The following CAD variants were observed in gnomAD, a reference collection of about 807,000 sequenced individuals.
CAD encodes the protein multifunctional protein CAD.
CAD carries 81 observed loss-of-function variants against 237.2 expected under a neutral mutation model. The observed-to-expected ratio is 0.34, with a 90% CI of 0.29 to 0.41. The LOEUF is 0.41. Ranked by LOEUF, CAD falls within the 10% of genes least tolerant of loss-of-function variation. The pLI is 1.00. For missense variants in CAD, 2,181 were observed against 2,951.7 expected, an observed-to-expected ratio of 0.74 and a Z score of 6.05; for synonymous variants, 1,196 against 1,162.8, an observed-to-expected ratio of 1.03 and a Z score of -0.58.
rs940681497 is a variant in CAD at position 27,241,416 on chromosome 2, G to A, written c.5883+20G>A. ...CTGAAGGTCAGGATCAGGGCCGGGG[G>A]TAGGGTCCAGGCCATCGCCTGCCCT... On this transcript the variant is annotated intron_variant, in intron 38 of 43. Coordinates refer to ENST00000264705, the MANE Select transcript of CAD (RefSeq NM_004341.5). The surrounding 1 kb of genome is among the most constrained non-coding windows in gnomAD (Gnocchi z 4.6). The A allele has an allele frequency of 2.5e-6, 4 of 1,611,890 alleles. No individual in the cohort carries two copies. The highest frequency in any genetic ancestry group is 2.7e-5 in the African/African-American group (2 of 74,902).
In CAD at chr2:27,242,638, C is replaced by G. The variant is rs1331971560; in HGVS notation, c.6241C>G (p.Leu2081Val). ...NGMTITMVGD[L>V]KHGRTVHSLA... ...CTCCTAGATCACGATGGTGGGTGAC[C>G]TGAAGCACGGACGCACAGTACATTC... Residue 2081 changes from leucine to valine, a missense_variant, in exon 41 of 44, where the codon CTG becomes GTG. By Grantham distance (32) the Leu-to-Val change is conservative. Coordinates refer to ENST00000264705, the MANE Select transcript of CAD (RefSeq NM_004341.5). This position sits in a 1 kb window ranked among gnomAD's most constrained non-coding sequence, Gnocchi z 6.4. The G allele has an allele frequency of 6.2e-7, 1 of 1,600,366 alleles. No individual in the cohort carries two copies. Among genetic ancestry groups the G allele is most frequent in the Non-Finnish European group, 8.5e-7 (1 of 1,169,928 alleles).
At position 27,240,191 on chromosome 2, in the gene CAD, C is replaced by T; in HGVS notation, c.5497-74C>T. Reference sequence around the variant, plus strand: ...AGAAGGTCACGCCACTGCACTCCAGCCTGAGCGACAGAACGAGACTCCGTC... The same window carrying T: ...AGAAGGTCACGCCACTGCACTCCAGTCTGAGCGACAGAACGAGACTCCGTC... On this transcript the variant is annotated intron_variant, in intron 34 of 43. Transcript: ENST00000264705. This position sits in a 1 kb window ranked among gnomAD's most constrained non-coding sequence, Gnocchi z 4.6. 2.3e-6 allele frequency: 3 copies of T among 1,285,236 alleles called. No individual in the cohort carries two copies. Among genetic ancestry groups the T allele is most frequent in the Non-Finnish European group, 3.3e-6 (3 of 899,178 alleles). The allele number at this position is 1,285,236 out of a possible 1,614,324, so 79.6% of individuals were successfully genotyped here.
chr2:27,241,940 A>G lies in CAD; in HGVS notation c.5913A>G (p.Glu1971=), dbSNP rs1374407104. 1.2e-6 allele frequency: 2 copies of G among 1,613,680 alleles called. No individual in the cohort carries two copies. The highest frequency in any genetic ancestry group is 1.3e-5 in the African/African-American group (1 of 75,028). The part of the protein sequence containing the change: ...KGKVMASMFY[E]VSTRTSSSFA... ...AGGTCATGGCCTCCATGTTCTATGAAGTGAGCACACGGACCAGCAGCTCCT... is the reference window on the plus strand; with the variant it reads ...AGGTCATGGCCTCCATGTTCTATGAGGTGAGCACACGGACCAGCAGCTCCT... The change falls in exon 39 of 44, where the codon GAA becomes GAG. Residue 1971 remains glutamate (E), a synonymous_variant. Transcript: ENST00000264705. This position sits in a 1 kb window ranked among gnomAD's most constrained non-coding sequence, Gnocchi z 4.6.
chr2:27,218,031 T>C lies in CAD; in HGVS notation c.222+15T>C. 6.3e-7 allele frequency: 1 copy of C among 1,580,476 alleles called. No homozygotes were observed. The highest frequency in any genetic ancestry group is 2.3e-5 in the East Asian group (1 of 43,676). On this transcript the variant is annotated intron_variant, in intron 2 of 43. Coordinates refer to ENST00000264705, the MANE Select transcript of CAD (RefSeq NM_004341.5). ...GTCTCTGCAAGGTAGCCACACCCAG[T>C]GCTTTCTCTACATTCCTTTTCAAGT...
At position 27,236,031 on chromosome 2, in the gene CAD, A is replaced by G. The variant is rs1675986222; in HGVS notation, c.4075-253A>G. Among the ~76,000 whole-genome samples, 1 of 152,200 alleles carries G rather than the reference A, an allele frequency of 6.6e-6. No homozygotes were observed. The highest frequency in any genetic ancestry group is 2.1e-4 in the South Asian group (1 of 4,838). On this transcript the variant is annotated intron_variant, in intron 25 of 43. Coordinates refer to ENST00000264705, the MANE Select transcript of CAD (RefSeq NM_004341.5). This position sits in a 1 kb window ranked among gnomAD's most constrained non-coding sequence, Gnocchi z 4.1. ...CCACTGTTCTGATATTTTTCCTTCC[A>G]GGATTTTCTCTGTGTACATGTGTGT...
chr2:27,217,455 TG>T lies in CAD; in HGVS notation c.-95del. 9.2e-7 allele frequency: 1 copy of T among 1,088,188 alleles called. No homozygotes were observed. The highest frequency in any genetic ancestry group is 1.4e-6 in the Non-Finnish European group (1 of 726,712). 67.4% of individuals were successfully genotyped at this position (1,088,188 alleles called of 1,614,324 possible). On this transcript the variant is annotated 5_prime_UTR_variant, in exon 1 of 44. Transcript: ENST00000264705. Reference sequence around the variant, plus strand: ...CCAGCGCCCCGCGCCGTTAGCCACGTGGACCGACTCCGGCGCGCCGTCCTCA... The same window carrying T: ...CCAGCGCCCCGCGCCGTTAGCCACGTGACCGACTCCGGCGCGCCGTCCTCA...
At position 27,236,454 on chromosome 2, in the gene CAD, C is replaced by G; in HGVS notation, c.4245C>G (p.Thr1415=). The part of the protein sequence containing the change: ...LSSFVTKGYR[T]RRLAADFSVP... The stretch of plus-strand genomic sequence containing the variant: ...CCTTTGTCACCAAGGGCTACCGCAC[C>G]CGACGCTTGGCCGCTGACTTCTCCG... Residue 1415 remains threonine (T), a synonymous_variant, in exon 26 of 44, where the codon ACC becomes ACG. Coordinates refer to ENST00000264705, the MANE Select transcript of CAD (RefSeq NM_004341.5). The surrounding 1 kb of genome is among the most constrained non-coding windows in gnomAD (Gnocchi z 4.1). The G allele has an allele frequency of 1.2e-6, 2 of 1,614,104 alleles. No homozygotes were observed. Among genetic ancestry groups the G allele is most frequent in the Non-Finnish European group, 1.7e-6 (2 of 1,180,038 alleles).
rs552105532 is a variant in CAD, at chr2:27,232,843, A to G, written c.2892+149A>G. The G allele has an allele frequency of 2.1e-5, 21 of 988,648 alleles. No homozygotes were observed. In the East Asian group the frequency reaches 4.6e-4, roughly 22 times the overall value. The allele number at this position is 988,648 out of a possible 1,614,324, so 61.2% of individuals were successfully genotyped here. ...TGGGGGTCCTTTTAGGCCATCTCTC[A>G]TGCCCCACACGGTATATGAATCTCT... On this transcript the variant is annotated intron_variant, in intron 18 of 43. Transcript: ENST00000264705. This position sits in a 1 kb window ranked among gnomAD's most constrained non-coding sequence, Gnocchi z 4.1.
intron 23 of CAD, among the ~76,000 whole-genome samples, chr2:27,234,924 C>G (rs1342973569): frequency 6.6e-6 from 1 of 152,172 alleles, no homozygotes; most frequent in African/African-American, 2.4e-5. Flanking sequence ...CATATTCGAC[C>G]TGTAAACAGA....
Position 27,226,934 on chromosome 2 carries a change from A to G in CAD, c.2259A>G (p.Thr753=), listed in dbSNP as rs145032374. 4.9e-5 allele frequency: 79 copies of G among 1,614,236 alleles called. 1 individual carries two copies. The highest frequency in any genetic ancestry group is 3.3e-4 in the Middle Eastern group (2 of 6,062). ...WDLSKFLRVS[T]KIGSCMKSVG... ...TTAGCAAGTTCCTGCGAGTCAGCACAAAGATTGGGAGCTGCATGAAGAGCG... is the reference window on the plus strand; with the variant it reads ...TTAGCAAGTTCCTGCGAGTCAGCACGAAGATTGGGAGCTGCATGAAGAGCG... The change falls in exon 15 of 44, where the codon ACA becomes ACG. Residue 753 remains threonine, a synonymous_variant. Transcript: ENST00000264705.
In CAD at chr2:27,235,788, C is replaced by A; in HGVS notation, c.4074+148C>A. 1 of 657,982 alleles carries A rather than the reference C, an allele frequency of 1.5e-6. No individual in the cohort carries two copies. Among genetic ancestry groups the A allele is most frequent in the African/African-American group, 1.8e-5 (1 of 55,274 alleles). 40.8% of individuals were successfully genotyped at this position (657,982 alleles called of 1,614,324 possible). A position where few individuals can be genotyped will look rare whatever the true frequency, so the allele number is the denominator to read the frequency against. On this transcript the variant is annotated intron_variant, in intron 25 of 43. Coordinates refer to ENST00000264705, the MANE Select transcript of CAD (RefSeq NM_004341.5). This position sits in a 1 kb window ranked among gnomAD's most constrained non-coding sequence, Gnocchi z 5.2. ...GCTAAGGCAGGAGAATCTCTTGAGC[C>A]CAGGAGGTAGAGGCTGCAGTGAGCT...
intron 12 of CAD, 62 bp from the exon 13 acceptor site, chr2:27,226,069 T>C: frequency 6.5e-7 from 1 of 1,534,842 alleles, no homozygotes; most frequent in Non-Finnish European, 9.0e-7. Flanking sequence ...GACCCTGGGG[T>C]GCAGCCTTCT....
chr2:27,237,661 G>T lies in CAD; in HGVS notation c.4564-57G>T, dbSNP rs867309485. The T allele has an allele frequency of 6.3e-7, 1 of 1,583,888 alleles. No homozygotes were observed. The highest frequency in any genetic ancestry group is 1.8e-4 in the Middle Eastern group (1 of 5,614). ...CTATGGGCCCAGGCCACTGGTGCCAGGCTAGCCTGTGTGGGCATGGGTGCC... is the reference window on the plus strand; with the variant it reads ...CTATGGGCCCAGGCCACTGGTGCCATGCTAGCCTGTGTGGGCATGGGTGCC... On this transcript the variant is annotated intron_variant, in intron 28 of 43. Coordinates refer to ENST00000264705, the MANE Select transcript of CAD (RefSeq NM_004341.5). This position sits in a 1 kb window ranked among gnomAD's most constrained non-coding sequence, Gnocchi z 4.0.
Position 27,232,670 on chromosome 2 carries a change from A to G in CAD, c.2868A>G (p.Val956=), listed in dbSNP as rs145064898. 108 of 1,614,196 alleles carry G rather than the reference A, an allele frequency of 6.7e-5. No homozygotes were observed. Among genetic ancestry groups the G allele is most frequent in the Admixed American group, 3.5e-4 (21 of 60,034 alleles). Residue 956 remains valine (V), a synonymous_variant, in exon 18 of 44, where the codon GTA becomes GTG. Transcript: ENST00000264705. This position sits in a 1 kb window ranked among gnomAD's most constrained non-coding sequence, Gnocchi z 4.1. ...GCGTTGAATTTGACTGGTGTGCTGT[A>G]GGCTGCATCCAGCAGCTCCGAAAGG... is the stretch of plus-strand genomic sequence containing the variant. ...GSSVEFDWCA[V]GCIQQLRKMG... is the part of the protein sequence containing the mutation.
intron 9 of CAD, 55 bp downstream of exon 9, chr2:27,224,545 G>C: frequency 6.3e-7 from 1 of 1,590,168 alleles, no homozygotes; most frequent in Non-Finnish European, 8.6e-7. Context: ...GAATGGAAAG[G>C]GTCTTAAGGA....
At position 27,232,438 on chromosome 2, in the gene CAD, T is replaced by C. The variant is rs1357464213; in HGVS notation, c.2646-10T>C. On this transcript the variant is annotated splice_polypyrimidine_tract_variant and intron_variant, in intron 17 of 43. Coordinates refer to ENST00000264705, the MANE Select transcript of CAD (RefSeq NM_004341.5). This position sits in a 1 kb window ranked among gnomAD's most constrained non-coding sequence, Gnocchi z 4.1. Reference sequence around the variant, plus strand: ...CTGGGCCTGTGTTTCAGACCCTTTTTCTATTTTAGCACAGAGCTGGCTGTT... The same window carrying C: ...CTGGGCCTGTGTTTCAGACCCTTTTCCTATTTTAGCACAGAGCTGGCTGTT... The C allele has an allele frequency of 6.8e-6, 11 of 1,614,118 alleles. No individual in the cohort carries two copies. In the South Asian group the frequency reaches 9.9e-5, roughly 15 times the overall value.
At position 27,217,998 on chromosome 2, in the gene CAD, T is replaced by A. The variant is rs1674954275; in HGVS notation, c.204T>A (p.Asp68Glu). ...ATGGCATCCCCCCAGATGAAATGGA[T>A]GAGTTCGGTCTCTGCAAGGTAGCCA... The part of the protein sequence containing the change: ...GNYGIPPDEM[D>E]EFGLCKWFES... Residue 68 changes from aspartate (D) to glutamate (E), a missense_variant, in exon 2 of 44, where the codon GAT (aspartate) becomes GAA (glutamate). Physicochemically the swap from Asp to Glu is conservative, Grantham distance 45. Transcript: ENST00000264705. The A allele has an allele frequency of 6.2e-7, 1 of 1,610,242 alleles. No homozygotes were observed. Among genetic ancestry groups the A allele is most frequent in the African/African-American group, 1.3e-5 (1 of 74,848 alleles).
chr2:27,221,384 C>G, intron 3 of CAD, 37 bp downstream of exon 3: 3 of 1,479,398 alleles, frequency 2.0e-6, no homozygotes, highest in Non-Finnish European at 2.7e-6. Context: ...GGGCAGAGCA[C>G]AGCATGCCTG....
intron 22 of CAD, 68 bp from the exon 23 acceptor site, chr2:27,234,450 G>A: frequency 6.7e-7 from 1 of 1,487,806 alleles, no homozygotes; most frequent in African/African-American, 1.4e-5. Context: ...GAGAGGAAGA[G>A]TCTAGGCCTA....
Sources: gnomAD v4.1 joint callset for allele counts (sites outside exome capture counted in the v4.1 genomes callset) on GRCh38, gnomAD v4.1.1 for gene constraint, Gnocchi (gnomAD v3.1) non-coding constraint, MANE v1.5 for transcripts, NCBI Gene and HGNC (gene_info 2026-07-23, HGNC 2026-07-21) for gene names.